PACS1: variants seen among roughly 807,000 people sequenced by gnomAD.
PACS1 encodes phosphofurin acidic cluster sorting protein 1, also known as PACS-1.
A neutral mutation model predicts 115.0 loss-of-function variants in PACS1; 24 were observed. That is an observed-to-expected ratio of 0.21 (90% CI 0.15 to 0.29). The LOEUF is 0.29. Among genes scored for constraint, PACS1 ranks in the 10% least tolerant of loss-of-function variants. The pLI, the probability that PACS1 is intolerant of heterozygous loss-of-function variation, is 1.00. For synonymous variants in PACS1, 453 were observed against 504.5 expected (o/e 0.90, Z 1.37); for missense variants, 838 against 1,251.2 (o/e 0.67, Z 4.98).
intron 22 of PACS1, among the ~76,000 whole-genome samples, 171 bp from the exon 23 acceptor site, chr11:66,242,741 G>C (rs1425762975): frequency 1.3e-5 from 2 of 152,142 alleles, no homozygotes. Flanking sequence ...CCAGTGCTGG[G>C]ACTGAGTCAG....
chr11:66,100,704 G>T, intron 1 of PACS1: 1 of 437,590 alleles, frequency 2.3e-6, no homozygotes, highest in South Asian at 1.6e-5. Context: ...CTCAAGTGAG[G>T]TGGGCTGGTT....
intron 1 of PACS1, among the ~76,000 whole-genome samples, chr11:66,084,645 A>G (rs1857538498): frequency 1.3e-5 from 2 of 152,088 alleles, no homozygotes; most frequent in African/African-American, 2.4e-5. Context: ...GGATTTGCCT[A>G]TGGATTGGAT....
At chr11:66,181,903 G>A (rs2134656143) in intron 1 of PACS1, among the ~76,000 whole-genome samples, 1 of 152,310 alleles carries the variant, frequency 6.6e-6, no homozygotes, top group South Asian at 2.1e-4. Flanking sequence ...TGACGTGTAA[G>A]GTTCTCTTTA....
Position 66,128,710 on chromosome 11 carries a change from C to G in PACS1, c.356+57868C>G, listed in dbSNP as rs11605257. 8.4e-3 allele frequency among the ~76,000 whole-genome samples: 1,280 copies of G among 151,952 alleles called. 11 individuals are homozygous for G. Among genetic ancestry groups the G allele is most frequent in the Non-Finnish European group, 0.014 (950 of 67,954 alleles). On this transcript the variant is annotated intron_variant, in intron 1 of 23. Transcript: ENST00000320580. ...ACCAGCCTGGCCAACATGGGGAAAC[C>G]CTGTCTGTACTAAAATTACAAAAAT...
chr11:66,130,724 T>C (rs1858680669), intron 1 of PACS1, among the ~76,000 whole-genome samples: 1 of 152,184 alleles, frequency 6.6e-6, no homozygotes, highest in Non-Finnish European at 1.5e-5. Flanking sequence ...TACTGCGTTT[T>C]ATTTGCCTGT....
intron 1 of PACS1, among the ~76,000 whole-genome samples, chr11:66,086,134 CTTTTTTTTTT>C (rs1196106929): frequency 8.1e-6 from 1 of 122,816 alleles, no homozygotes; most frequent in Admixed American, 8.3e-5. Flanking sequence ...CTTATGATTT[CTTTTTTTTTT>C]TTTTTTTTTT....
At chr11:66,208,691 A>AAAGGAAGG (rs71270567) in intron 2 of PACS1, among the ~76,000 whole-genome samples, 1 of 148,088 alleles carries the variant, frequency 6.8e-6, no homozygotes, top group African/African-American at 2.5e-5. Context: ...AAAAAGAAAG[A>AAAGGAAGG]AAGGAAGGAA....
At chr11:66,087,634 A>T (rs1245154065) in intron 1 of PACS1, among the ~76,000 whole-genome samples, 1 of 152,196 alleles carries the variant, frequency 6.6e-6, no homozygotes, top group African/African-American at 2.4e-5. Context: ...GTTGCTATGT[A>T]GTACTGTATT....
intron 4 of PACS1, among the ~76,000 whole-genome samples, chr11:66,212,880 C>T (rs2134703400): frequency 1.3e-5 from 2 of 152,274 alleles, no homozygotes; most frequent in Admixed American, 1.3e-4. Context: ...GACAGAGTCT[C>T]ACTTCATCAC....
chr11:66,239,379 C>T (rs1007129776), intron 21 of PACS1, 102 bp downstream of exon 21: 29 of 1,404,878 alleles, frequency 2.1e-5, no homozygotes, highest in Middle Eastern at 2.2e-4. Context: ...CACAGGAAGC[C>T]GGGCGTGGTA....
intron 1 of PACS1, among the ~76,000 whole-genome samples, chr11:66,153,222 C>A (rs1407584986): frequency 6.6e-6 from 1 of 152,110 alleles, no homozygotes; most frequent in Non-Finnish European, 1.5e-5. Flanking sequence ...CCTTGAACTC[C>A]TGGGCTCAAG....
intron 1 of PACS1, among the ~76,000 whole-genome samples, chr11:66,097,861 T>A (rs992568763): frequency 5.3e-5 from 8 of 152,196 alleles, no homozygotes; most frequent in Non-Finnish European, 1.0e-4. Context: ...TTGCGAAGTA[T>A]CTGTTCAAGT....
chr11:66,113,414 T>A (rs1858230322), intron 1 of PACS1, among the ~76,000 whole-genome samples: 1 of 152,180 alleles, frequency 6.6e-6, no homozygotes, highest in Non-Finnish European at 1.5e-5. Context: ...TCTTTCTAAT[T>A]GCAGGGTTAT....
chr11:66,103,291 A>G (rs1857962663), intron 1 of PACS1, among the ~76,000 whole-genome samples: 1 of 152,128 alleles, frequency 6.6e-6, no homozygotes, highest in Non-Finnish European at 1.5e-5. Flanking sequence ...TGGGGTGTCA[A>G]TTATATGTAA....
rs1318492346 is a variant in PACS1 at position 66,230,350 on chromosome 11, C to T, written c.1375-198C>T. On this transcript the variant is annotated intron_variant, in intron 11 of 23. Coordinates refer to ENST00000320580, the MANE Select transcript of PACS1 (RefSeq NM_018026.4). ...TGGATTGCAGCATATGGTGCCCACA[C>T]GGGGTGTACTCAGTCACCCGTGAAC... 57 of 583,834 alleles carry T rather than the reference C, an allele frequency of 9.8e-5. 1 individual carries two copies. The highest frequency in any genetic ancestry group is 6.0e-5 in the Admixed American group (2 of 33,174). The allele number at this position is 583,834 out of a possible 1,614,324, so 36.2% of individuals were successfully genotyped here. A position where few individuals can be genotyped will look rare whatever the true frequency, so the allele number is the denominator to read the frequency against.
intron 1 of PACS1, among the ~76,000 whole-genome samples, chr11:66,109,263 T>C (rs1858130065): frequency 6.6e-6 from 1 of 152,128 alleles, no homozygotes; most frequent in Non-Finnish European, 1.5e-5. Context: ...AAAAGTTTCA[T>C]TGAGAAGGTC....
chr11:66,242,626 C>T (rs554868338), intron 22 of PACS1, among the ~76,000 whole-genome samples: 2 of 152,254 alleles, frequency 1.3e-5, no homozygotes, highest in Admixed American at 1.3e-4. Flanking sequence ...TAGAACGTTC[C>T]AGCTGGAAAG....
At chr11:66,127,197 C>CA (rs1475600671) in intron 1 of PACS1, among the ~76,000 whole-genome samples, 1 of 152,232 alleles carries the variant, frequency 6.6e-6, no homozygotes, top group Non-Finnish European at 1.5e-5. Flanking sequence ...CTCAAAGACT[C>CA]AGTGTTGAGA....
intron 1 of PACS1, among the ~76,000 whole-genome samples, chr11:66,150,769 A>G (rs1031337996): frequency 6.6e-6 from 1 of 152,358 alleles, no homozygotes; most frequent in African/African-American, 2.4e-5. Context: ...ACAGATAACA[A>G]TTGAAAGATC....
Sources: gnomAD v4.1 joint callset for allele counts (sites outside exome capture counted in the v4.1 genomes callset) on GRCh38, gnomAD v4.1.1 for gene constraint, MANE v1.5 for transcripts, NCBI Gene and HGNC (gene_info 2026-07-23, HGNC 2026-07-21) for gene names.